Variants in FRMPD2 observed in about 807,000 individuals in gnomAD.
FRMPD2 encodes the protein FERM and PDZ domain-containing protein 2.
FRMPD2 carries 96 observed loss-of-function variants against 140.1 expected under a neutral mutation model. The observed-to-expected ratio is 0.69, with a 90% CI of 0.58 to 0.81. FRMPD2 has a LOEUF of 0.81. FRMPD2 is among the 40% of genes least tolerant of loss of function. The probability of loss-of-function intolerance (pLI) is 0.00; values close to 1 mark genes in which losing one functional copy is unlikely to be tolerated. For synonymous variants in FRMPD2, 449 were observed against 547.6 expected, an observed-to-expected ratio of 0.82 and a Z score of 2.52; for missense variants, 1,240 against 1,447.4, an observed-to-expected ratio of 0.86 and a Z score of 2.32.
chr10:48,230,475 A>G (rs1377688025), intron 10 of FRMPD2, among the ~76,000 whole-genome samples: 1 of 152,218 alleles, frequency 6.6e-6, no homozygotes, highest in Non-Finnish European at 1.5e-5. Flanking sequence ...TGAGATTCTT[A>G]TCAAAAGTTC....
At chr10:48,202,579 A>G (rs993299047) in intron 14 of FRMPD2, among the ~76,000 whole-genome samples, 4 of 152,222 alleles carry the variant, frequency 2.6e-5, no homozygotes, top group African/African-American at 9.7e-5. Context: ...ACTATAACTA[A>G]TATTTCTTTA....
At chr10:48,191,544 A>G (rs1028826210) in intron 16 of FRMPD2, among the ~76,000 whole-genome samples, 2 of 152,206 alleles carry the variant, frequency 1.3e-5, no homozygotes, top group African/African-American at 4.8e-5. Flanking sequence ...GTGCACGGCA[A>G]TGTACATTTG....
At chr10:48,199,789 G>C (rs537768110) in intron 15 of FRMPD2, 1 of 152,204 alleles carries the variant, frequency 6.6e-6, no homozygotes, top group East Asian at 1.9e-4. Context: ...TGGGCACACA[G>C]GAAGTCCTCC....
intron 13 of FRMPD2, 22 bp downstream of exon 13, chr10:48,211,932 C>T (rs17770021): frequency 0.035 from 56,670 of 1,608,508 alleles, 1,154 homozygotes; most frequent in Non-Finnish European, 0.04. Flanking sequence ...CAACACCTCT[C>T]TCCAGGTCAG....
At chr10:48,239,584 C>A in intron 7 of FRMPD2, 21 bp downstream of exon 7, 1 of 1,596,940 alleles carries the variant, frequency 6.3e-7, no homozygotes, top group Non-Finnish European at 8.6e-7. Context: ...TTCACAGCAC[C>A]CTTTAGGCCT....
In FRMPD2 at chr10:48,201,385, CT is replaced by C; in HGVS notation, c.1798-2del. 6.2e-7 allele frequency: 1 copy of C among 1,612,928 alleles called. No homozygotes were observed. The stretch of plus-strand genomic sequence containing the variant: ...TGCTTGTGATGGTGAACTTTTTTTG[CT>C]GAAGGAAGCAAACACAGACTTTAAT... On this transcript the variant is annotated splice_acceptor_variant, in intron 14 of 28. Coordinates refer to ENST00000374201, the MANE Select transcript of FRMPD2 (RefSeq NM_001018071.4). LOFTEE classifies it high-confidence loss of function.
chr10:48,253,459 T>A (rs143273522), intron 1 of FRMPD2, among the ~76,000 whole-genome samples: 2,043 of 152,302 alleles, frequency 0.013, 21 homozygotes, highest in South Asian at 0.027. Flanking sequence ...GGCAGTTGGA[T>A]GACGTATGGT....
intron 1 of FRMPD2, among the ~76,000 whole-genome samples, chr10:48,255,012 G>T (rs1840461038): frequency 6.6e-6 from 1 of 152,206 alleles, no homozygotes; most frequent in Non-Finnish European, 1.5e-5. Context: ...ACTATGTAAA[G>T]GATGCAGGGA....
At chr10:48,250,945 C>A (rs1182689143) in intron 2 of FRMPD2, among the ~76,000 whole-genome samples, 1 of 150,194 alleles carries the variant, frequency 6.7e-6, no homozygotes, top group East Asian at 1.9e-4. Flanking sequence ...TACAGGCGAG[C>A]GCAACCATAC....
chr10:48,240,247 C>T (rs1265293719), intron 6 of FRMPD2, 113 bp downstream of exon 6: 3 of 1,209,238 alleles, frequency 2.5e-6, no homozygotes, highest in Non-Finnish European at 3.5e-6. Context: ...AAGAGTGGCA[C>T]TTACATAGGC....
At chr10:48,240,302 G>GA in intron 6 of FRMPD2, 58 bp downstream of exon 6, 2 of 1,580,770 alleles carry the variant, frequency 1.3e-6, no homozygotes, top group East Asian at 2.3e-5. Flanking sequence ...TACAGGGCAG[G>GA]AAAAAATAGA....
At chr10:48,254,719 T>C (rs1840454814) in intron 1 of FRMPD2, among the ~76,000 whole-genome samples, 1 of 152,242 alleles carries the variant, frequency 6.6e-6, no homozygotes, top group African/African-American at 2.4e-5. Context: ...GAAATAGGGC[T>C]ATCATCATGC....
chr10:48,254,144 C>T (rs1466761343), intron 1 of FRMPD2, among the ~76,000 whole-genome samples: 2 of 152,150 alleles, frequency 1.3e-5, no homozygotes, highest in East Asian at 1.9e-4. Context: ...TTCCAGTTTT[C>T]GGCACCAACT....
intron 18 of FRMPD2, 121 bp downstream of exon 18, chr10:48,185,432 G>T: frequency 1.4e-6 from 1 of 698,688 alleles, no homozygotes; most frequent in Non-Finnish European, 2.6e-6. Context: ...TACCAGAAAA[G>T]GCAGACTGGG....
intron 5 of FRMPD2, among the ~76,000 whole-genome samples, chr10:48,240,779 A>T (rs1840088054): frequency 6.6e-6 from 1 of 152,130 alleles, no homozygotes; most frequent in South Asian, 2.1e-4. Context: ...CTCTGTGCCC[A>T]CAAGACCCAG....
chr10:48,261,665 G>A (rs73296381), intron 1 of FRMPD2, among the ~76,000 whole-genome samples: 7,256 of 152,246 alleles, frequency 0.048, 548 homozygotes, highest in African/African-American at 0.16. Context: ...GTTCTTCAGA[G>A]AGAAGGAAAA....
chr10:48,222,017 G>A (rs1049413391), intron 12 of FRMPD2, among the ~76,000 whole-genome samples: 4 of 151,350 alleles, frequency 2.6e-5, no homozygotes, highest in Non-Finnish European at 5.9e-5. Context: ...TGGATGGATG[G>A]ATGGATAGAT....
intron 15 of FRMPD2, among the ~76,000 whole-genome samples, chr10:48,198,820 A>G (rs1388690883): frequency 6.6e-6 from 1 of 151,908 alleles, no homozygotes; most frequent in Non-Finnish European, 1.5e-5. Flanking sequence ...ATTCCTGGGT[A>G]TTTCATTTTC....
intron 12 of FRMPD2, among the ~76,000 whole-genome samples, chr10:48,212,330 C>A (rs544668312): frequency 6.6e-6 from 1 of 152,212 alleles, no homozygotes; most frequent in East Asian, 1.9e-4. Flanking sequence ...GTTTTTGAGC[C>A]CCTTTTTATG....
Sources: gnomAD v4.1 joint callset for allele counts (sites outside exome capture counted in the v4.1 genomes callset) on GRCh38, gnomAD v4.1.1 for gene constraint, MANE v1.5 for transcripts, NCBI Gene and HGNC (gene_info 2026-07-23, HGNC 2026-07-21) for gene names.